The following HYCC1 variants were observed in gnomAD, a reference collection of about 807,000 sequenced individuals.
HYCC1 encodes the protein hyccin.
chr7:22,936,548 T>C, the HYCC1 span: 1 of 152,228 alleles, frequency 6.6e-6, no homozygotes, highest in East Asian at 1.9e-4. Flanking sequence ...TAGGAAACAA[T>C]TATTCTTGCA....
chr7:22,946,911 T>G, the HYCC1 span: 1 of 1,506,512 alleles, frequency 6.6e-7, no homozygotes, highest in Non-Finnish European at 8.9e-7. Context: ...ACTGTGCAAC[T>G]GCTGCTTAAC....
At chr7:22,909,553 C>G in the HYCC1 span, among the ~76,000 whole-genome samples, 2 of 152,176 alleles carry the variant, frequency 1.3e-5, no homozygotes, top group African/African-American at 2.4e-5. Context: ...CATAATAAAC[C>G]ATAACCATAA....
At chr7:22,920,175 C>T in the HYCC1 span, among the ~76,000 whole-genome samples, 4 of 151,050 alleles carry the variant, frequency 2.6e-5, no homozygotes, top group African/African-American at 7.3e-5. Flanking sequence ...GTAGATCCTG[C>T]CTCCACAAAA....
At chr7:22,984,045 T>G in the HYCC1 span, 1 of 1,535,992 alleles carries the variant, frequency 6.5e-7, no homozygotes, top group Non-Finnish European at 9.0e-7. Flanking sequence ...TCTGGTAATG[T>G]CTAAACAAAT....
At chr7:22,897,857 C>A in the HYCC1 span, among the ~76,000 whole-genome samples, 1 of 151,872 alleles carries the variant, frequency 6.6e-6, no homozygotes, top group Non-Finnish European at 1.5e-5. Flanking sequence ...TGGTCTCGAA[C>A]TCCTAGGCTC....
the HYCC1 span, among the ~76,000 whole-genome samples, chr7:22,996,703 A>G: frequency 6.6e-6 from 1 of 152,002 alleles, no homozygotes; most frequent in Non-Finnish European, 1.5e-5. Flanking sequence ...TAGGACAAAA[A>G]GCAAACTGGC....
At chr7:22,928,821 A>G in the HYCC1 span, among the ~76,000 whole-genome samples, 1 of 124,912 alleles carries the variant, frequency 8.0e-6, no homozygotes. Context: ...TTCTTCACAG[A>G]ACTGGAAAAA....
the HYCC1 span, among the ~76,000 whole-genome samples, chr7:22,950,970 A>T: frequency 6.6e-6 from 1 of 151,838 alleles, no homozygotes; most frequent in Admixed American, 6.6e-5. Context: ...ACTTCTCAGG[A>T]TATATTTTAT....
the HYCC1 span, among the ~76,000 whole-genome samples, chr7:23,004,684 ATAT>A: frequency 9.3e-4 from 141 of 152,304 alleles, no homozygotes; most frequent in Middle Eastern, 3.4e-3. Flanking sequence ...TAAAAATTAG[ATAT>A]TATAAGTATA....
At chr7:23,000,965 C>T in the HYCC1 span, among the ~76,000 whole-genome samples, 11 of 151,028 alleles carry the variant, frequency 7.3e-5, no homozygotes, top group African/African-American at 2.7e-4. Context: ...CTTTAATATG[C>T]TAAATCTGTA....
the HYCC1 span, among the ~76,000 whole-genome samples, chr7:22,926,445 G>A: frequency 1.1e-4 from 16 of 152,098 alleles, no homozygotes; most frequent in Non-Finnish European, 1.6e-4. Context: ...CTCATCTCAC[G>A]TGCAGAGACA....
the HYCC1 span, among the ~76,000 whole-genome samples, chr7:22,973,288 TAACAA>T: frequency 1.3e-5 from 2 of 152,346 alleles, no homozygotes; most frequent in African/African-American, 4.8e-5. Flanking sequence ...TTAACATGAT[TAACAA>T]AAGTGTTTTC....
At chr7:22,896,318 T>C in the HYCC1 span, among the ~76,000 whole-genome samples, 7 of 152,308 alleles carry the variant, frequency 4.6e-5, no homozygotes, top group African/African-American at 1.2e-4. Flanking sequence ...CAAATGTTAA[T>C]AGGCAGACTG....
chr7:22,923,912 T>C, the HYCC1 span, among the ~76,000 whole-genome samples: 3 of 150,838 alleles, frequency 2.0e-5, no homozygotes, highest in Non-Finnish European at 4.4e-5. Flanking sequence ...ATCACAGCAC[T>C]TTGGAAAGCC....
chr7:22,952,037 C>T, the HYCC1 span, among the ~76,000 whole-genome samples: 1 of 151,950 alleles, frequency 6.6e-6, no homozygotes, highest in Non-Finnish European at 1.5e-5. Flanking sequence ...ATTTCTTTAT[C>T]ATTCACTCAC....
the HYCC1 span, among the ~76,000 whole-genome samples, chr7:22,914,510 T>A: frequency 6.6e-6 from 1 of 152,124 alleles, no homozygotes. Context: ...GATACAAACT[T>A]GATAATGGTT....
At chr7:22,968,743 C>T in the HYCC1 span, among the ~76,000 whole-genome samples, 1 of 152,102 alleles carries the variant, frequency 6.6e-6, no homozygotes, top group Non-Finnish European at 1.5e-5. Context: ...AATCTCAGCA[C>T]TTTGGGAGGC....
the HYCC1 span, among the ~76,000 whole-genome samples, chr7:22,925,129 T>C: frequency 6.6e-6 from 1 of 152,040 alleles, no homozygotes; most frequent in African/African-American, 2.4e-5. Flanking sequence ...GTCCTGACTG[T>C]TAGAAGGAAA....
the HYCC1 span, among the ~76,000 whole-genome samples, chr7:22,962,667 C>T: frequency 6.6e-6 from 1 of 151,844 alleles, no homozygotes; most frequent in Admixed American, 6.6e-5. Flanking sequence ...CTGAGAAACT[C>T]CCATCCCTGA....
Sources: gnomAD v4.1 joint callset for allele counts (sites outside exome capture counted in the v4.1 genomes callset) on GRCh38, gnomAD v4.1.1 for gene constraint, MANE v1.5 for transcripts, NCBI Gene and HGNC (gene_info 2026-07-23, HGNC 2026-07-21) for gene names.